The following NOL4 variants were observed in gnomAD, a reference collection of about 807,000 sequenced individuals.
NOL4 encodes the protein nucleolar protein 4, also known as cancer/testis antigen 125.
A neutral mutation model predicts 75.9 loss-of-function variants in NOL4; 17 were observed. The observed-to-expected ratio is 0.22, with a 90% CI of 0.15 to 0.34. The LOEUF is 0.34. NOL4 is among the 10% of genes least tolerant of loss of function. NOL4 has a pLI of 1.00. For synonymous variants in NOL4, 292 were observed against 289.9 expected (o/e 1.01, Z -0.07); for missense variants, 614 against 793.5 (o/e 0.77, Z 2.72).
At chr18:33,854,774 G>A (rs1177307188) in intron 10 of NOL4, among the ~76,000 whole-genome samples, 3 of 151,514 alleles carry the variant, frequency 2.0e-5, no homozygotes, top group Admixed American at 6.6e-5. Context: ...ACATTTTGAT[G>A]GTTTTTGCTG....
intron 6 of NOL4, among the ~76,000 whole-genome samples, chr18:33,985,844 C>A (rs1316511117): frequency 2.0e-5 from 3 of 152,114 alleles, no homozygotes; most frequent in African/African-American, 7.2e-5. Flanking sequence ...CTTAATCTCT[C>A]TAAATCTATT....
chr18:34,076,505 G>A (rs193142570), intron 5 of NOL4, among the ~76,000 whole-genome samples: 24 of 152,246 alleles, frequency 1.6e-4, no homozygotes, highest in African/African-American at 4.8e-4. Flanking sequence ...TTGAAAGAAC[G>A]ATGAAAATGA....
In NOL4 at chr18:34,006,205, T is replaced by C. The variant is rs540889457; in HGVS notation, c.1056+13113A>G. On this transcript the variant is annotated intron_variant, in intron 6 of 10. Coordinates refer to ENST00000261592, the MANE Select transcript of NOL4 (RefSeq NM_003787.5). ...ATCCAAAGATTGTTCCAAATAATAC[T>C]AAATTTATTAAATTATTTCAGCATT... 8.9e-4 allele frequency among the ~76,000 whole-genome samples: 135 copies of C among 152,240 alleles called. 8 individuals carry two copies. In the South Asian group the frequency reaches 0.027, roughly 30 times the overall value.
chr18:34,160,181 T>A (rs1000357521), intron 1 of NOL4, among the ~76,000 whole-genome samples: 3 of 152,168 alleles, frequency 2.0e-5, no homozygotes. Context: ...AACTCTATTG[T>A]TCAGCTGTAG....
At chr18:34,103,432 T>C (rs2079130694) in intron 4 of NOL4, among the ~76,000 whole-genome samples, 1 of 152,030 alleles carries the variant, frequency 6.6e-6, no homozygotes, top group Admixed American at 6.6e-5. Context: ...ATGTTTTTAG[T>C]GTCTATACAT....
At chr18:34,095,245 A>ATGTGTATG (rs1555722061) in intron 4 of NOL4, among the ~76,000 whole-genome samples, 1 of 94,298 alleles carries the variant, frequency 1.1e-5, no homozygotes, top group Non-Finnish European at 2.3e-5. Context: ...CTAAATTCTA[A>ATGTGTATG]TGTGTATGTG....
chr18:33,987,016 T>C (rs968043330), intron 6 of NOL4, among the ~76,000 whole-genome samples: 1 of 152,002 alleles, frequency 6.6e-6, no homozygotes, highest in Non-Finnish European at 1.5e-5. Flanking sequence ...TGGGTAGGGA[T>C]TGGGGCAGGC....
chr18:34,178,136 T>G (rs987399213), intron 1 of NOL4, among the ~76,000 whole-genome samples: 1 of 151,798 alleles, frequency 6.6e-6, no homozygotes, highest in African/African-American at 2.4e-5. Flanking sequence ...GAGCACAAGT[T>G]TTATATACTA....
chr18:33,929,893 G>A (rs1373932711), intron 9 of NOL4, among the ~76,000 whole-genome samples: 3 of 152,060 alleles, frequency 2.0e-5, no homozygotes, highest in Non-Finnish European at 4.4e-5. Context: ...TATAACTTCT[G>A]TCATTAAAAA....
At chr18:34,058,750 C>A (rs530062692) in intron 5 of NOL4, among the ~76,000 whole-genome samples, 3 of 151,746 alleles carry the variant, frequency 2.0e-5, no homozygotes, top group African/African-American at 7.2e-5. Context: ...TGTGAGAGAC[C>A]TTAAAAAATA....
intron 10 of NOL4, among the ~76,000 whole-genome samples, chr18:33,862,112 G>C (rs1030051426): frequency 2.6e-5 from 4 of 152,046 alleles, no homozygotes; most frequent in Non-Finnish European, 5.9e-5. Flanking sequence ...CAGAAATAAA[G>C]CCACATATCT....
chr18:33,986,880 T>G (rs2072502499), intron 6 of NOL4, among the ~76,000 whole-genome samples: 1 of 152,092 alleles, frequency 6.6e-6, no homozygotes, highest in African/African-American at 2.4e-5. Flanking sequence ...GTGCTTCAGT[T>G]GGTAAATAAA....
chr18:34,015,007 G>C (rs755321351), intron 6 of NOL4, among the ~76,000 whole-genome samples: 2 of 151,934 alleles, frequency 1.3e-5, no homozygotes, highest in Non-Finnish European at 2.9e-5. Context: ...ATATAATTAA[G>C]CTTTTATAGC....
At chr18:34,078,869 A>C (rs2077865107) in intron 5 of NOL4, among the ~76,000 whole-genome samples, 1 of 152,330 alleles carries the variant, frequency 6.6e-6, no homozygotes, top group Admixed American at 6.5e-5. Context: ...GTGAAGCTCT[A>C]GATATGGTAA....
At chr18:33,980,146 G>T (rs1392716735) in intron 6 of NOL4, among the ~76,000 whole-genome samples, 1 of 151,972 alleles carries the variant, frequency 6.6e-6, no homozygotes, top group African/African-American at 2.4e-5. Context: ...CAAAAAATCA[G>T]ACAGACAAAC....
chr18:34,024,188 A>ATATATATATATATATATATATATAT (rs1333196318), intron 5 of NOL4, among the ~76,000 whole-genome samples: 1 of 64,602 alleles, frequency 1.5e-5, no homozygotes, highest in Non-Finnish European at 3.6e-5. Flanking sequence ...CAGGAAAAAA[A>ATATATATATATATATATATATATAT]AAAAAAATAT....
intron 5 of NOL4, among the ~76,000 whole-genome samples, chr18:34,038,796 T>G (rs1292785863): frequency 6.6e-6 from 1 of 151,958 alleles, no homozygotes; most frequent in Non-Finnish European, 1.5e-5. Flanking sequence ...ACTTACAGTT[T>G]AGATAGAAAA....
chr18:33,909,994 T>C (rs1055245680), intron 9 of NOL4, among the ~76,000 whole-genome samples: 1 of 152,188 alleles, frequency 6.6e-6, no homozygotes, highest in Non-Finnish European at 1.5e-5. Context: ...AAGGCAGTCA[T>C]GTGAAGACAT....
At chr18:34,219,445 CAATATCAAATGGTAT>C (rs1273681004) in intron 1 of NOL4, among the ~76,000 whole-genome samples, 1 of 152,200 alleles carries the variant, frequency 6.6e-6, no homozygotes, top group Non-Finnish European at 1.5e-5. Context: ...TTACCATTCA[CAATATCAAATGGTAT>C]AATGTGTTCT....
Sources: gnomAD v4.1 joint callset for allele counts (sites outside exome capture counted in the v4.1 genomes callset) on GRCh38, gnomAD v4.1.1 for gene constraint, MANE v1.5 for transcripts, NCBI Gene and HGNC (gene_info 2026-07-23, HGNC 2026-07-21) for gene names.